Variants in SYT9 observed in about 807,000 individuals in gnomAD.
SYT9 encodes the protein synaptotagmin-9.
SYT9 carries 22 observed loss-of-function variants against 48.4 expected under a neutral mutation model. That is an observed-to-expected ratio of 0.45 (90% CI 0.32 to 0.65). The LOEUF is 0.65. Among genes scored for constraint, SYT9 ranks in the 30% least tolerant of loss-of-function variants. The probability of loss-of-function intolerance (pLI) is 0.03; values close to 1 mark genes in which losing one functional copy is unlikely to be tolerated. For missense variants in SYT9, 577 were observed against 622.0 expected (o/e 0.93, Z 0.77); for synonymous variants, 265 against 245.0 (o/e 1.08, Z -0.76).
intron 3 of SYT9, among the ~76,000 whole-genome samples, chr11:7,370,417 T>A (rs1301633718): frequency 6.6e-6 from 1 of 152,104 alleles, no homozygotes; most frequent in Admixed American, 6.6e-5. Flanking sequence ...TTAAAGTAGA[T>A]TAGTGGTTAG....
chr11:7,374,168 C>T (rs146654951), intron 3 of SYT9, among the ~76,000 whole-genome samples: 5,308 of 151,934 alleles, frequency 0.035, 334 homozygotes, highest in African/African-American at 0.12. Context: ...GAGAATATGC[C>T]GTGTTTGGTT....
chr11:7,439,585 C>T (rs753074833), intron 6 of SYT9: 3 of 152,330 alleles, frequency 2.0e-5, no homozygotes, highest in Non-Finnish European at 4.4e-5. Context: ...GAGGTGAAGA[C>T]ATGAGCAGAA....
chr11:7,441,944 C>T (rs1236845969), intron 6 of SYT9, among the ~76,000 whole-genome samples: 2 of 152,110 alleles, frequency 1.3e-5, no homozygotes, highest in Non-Finnish European at 2.9e-5. Flanking sequence ...AGCTATGACT[C>T]TCCCCCACAG....
At chr11:7,272,605 A>G (rs1173407917) in intron 1 of SYT9, among the ~76,000 whole-genome samples, 1 of 152,210 alleles carries the variant, frequency 6.6e-6, no homozygotes, top group African/African-American at 2.4e-5. Context: ...TGTGAAAAAG[A>G]AAGACATGAT....
At chr11:7,430,706 G>A (rs149049414) in intron 6 of SYT9, among the ~76,000 whole-genome samples, 1,688 of 152,146 alleles carry the variant, frequency 0.011, 9 homozygotes, top group Middle Eastern at 0.02. Flanking sequence ...TGCAAGATCT[G>A]GTCATTTAAA....
chr11:7,436,530 A>G (rs539931811), intron 6 of SYT9, among the ~76,000 whole-genome samples: 3 of 152,356 alleles, frequency 2.0e-5, no homozygotes, highest in African/African-American at 4.8e-5. Context: ...ATATGCATGT[A>G]TATGTACAAA....
intron 1 of SYT9, among the ~76,000 whole-genome samples, chr11:7,278,762 C>A (rs139700827): frequency 1.9e-4 from 29 of 152,266 alleles, no homozygotes; most frequent in African/African-American, 7.0e-4. Flanking sequence ...TAGATTCTCA[C>A]ATTCTAATTC....
intron 3 of SYT9, among the ~76,000 whole-genome samples, chr11:7,364,744 AC>A (rs1234879950): frequency 6.6e-6 from 1 of 152,162 alleles, no homozygotes; most frequent in Non-Finnish European, 1.5e-5. Flanking sequence ...GAAAACTCTA[AC>A]CTGCCTGAGC....
chr11:7,349,705 C>T (rs1429098987), intron 3 of SYT9, among the ~76,000 whole-genome samples: 1 of 152,152 alleles, frequency 6.6e-6, no homozygotes, highest in African/African-American at 2.4e-5. Context: ...TTAATTTTCA[C>T]AGAAGTGAAA....
At chr11:7,257,516 ATAAT>A (rs559265511) in intron 1 of SYT9, among the ~76,000 whole-genome samples, 145 of 152,260 alleles carry the variant, frequency 9.5e-4, no homozygotes, top group African/African-American at 3.4e-3. Flanking sequence ...ATGTAAAATA[ATAAT>A]TAAATATAGT....
chr11:7,294,587 T>C (rs139000863), intron 1 of SYT9, among the ~76,000 whole-genome samples: 2 of 152,224 alleles, frequency 1.3e-5, no homozygotes, highest in East Asian at 3.9e-4. Context: ...AGGTAACAGG[T>C]CCTGGGTAAG....
At chr11:7,281,485 T>C (rs996345088) in intron 1 of SYT9, among the ~76,000 whole-genome samples, 2 of 152,370 alleles carry the variant, frequency 1.3e-5, no homozygotes, top group East Asian at 1.9e-4. Flanking sequence ...ATGATATTAC[T>C]GCTTTTTACA....
At chr11:7,319,772 G>C (rs772854512) in intron 3 of SYT9, among the ~76,000 whole-genome samples, 1 of 152,140 alleles carries the variant, frequency 6.6e-6, no homozygotes, top group Non-Finnish European at 1.5e-5. Flanking sequence ...TGACTCTCAG[G>C]CTCTGCAGTC....
chr11:7,392,478 C>T (rs1049000479), intron 3 of SYT9, among the ~76,000 whole-genome samples: 4 of 152,082 alleles, frequency 2.6e-5, no homozygotes, highest in African/African-American at 4.8e-5. Flanking sequence ...ATTGTTCTAC[C>T]AGTACCATAT....
At chr11:7,249,666 C>T (rs1453235467), upstream of SYT9, among the ~76,000 whole-genome samples, 1 of 152,082 alleles carries the variant, frequency 6.6e-6, no homozygotes, top group Non-Finnish European at 1.5e-5. Flanking sequence ...TTGGTTGAGC[C>T]CATACTATGT....
chr11:7,322,100 G>C (rs1160089652), intron 3 of SYT9, among the ~76,000 whole-genome samples: 1 of 152,124 alleles, frequency 6.6e-6, no homozygotes, highest in Admixed American at 6.5e-5. Flanking sequence ...GCAGGGATGG[G>C]GGAAGGAAGG....
chr11:7,331,538 C>A (rs767425048), intron 3 of SYT9, among the ~76,000 whole-genome samples: 1 of 151,912 alleles, frequency 6.6e-6, no homozygotes, highest in African/African-American at 2.4e-5. Flanking sequence ...GGTGAAACCC[C>A]GTTTCTACCA....
chr11:7,395,168 TC>T (rs1454765434), intron 3 of SYT9, among the ~76,000 whole-genome samples: 1 of 152,132 alleles, frequency 6.6e-6, no homozygotes, highest in Non-Finnish European at 1.5e-5. Context: ...CTCACCCACC[TC>T]CCACTATTTT....
chr11:7,280,207 A>T (rs1478886905), intron 1 of SYT9, among the ~76,000 whole-genome samples: 1 of 152,274 alleles, frequency 6.6e-6, no homozygotes, highest in African/African-American at 2.4e-5. Context: ...TTTATTGATT[A>T]CATTACAATT....
Sources: gnomAD v4.1 joint callset for allele counts (sites outside exome capture counted in the v4.1 genomes callset) on GRCh38, gnomAD v4.1.1 for gene constraint, MANE v1.5 for transcripts, NCBI Gene and HGNC (gene_info 2026-07-23, HGNC 2026-07-21) for gene names.